DPP10: variants seen among roughly 807,000 people sequenced by gnomAD.
DPP10 encodes dipeptidyl peptidase like 10.
DPP10 carries 33 observed loss-of-function variants against 120.9 expected under a neutral mutation model. The ratio of observed to expected loss-of-function variants is 0.27; its 90% CI spans 0.21 to 0.37. DPP10 has a LOEUF of 0.37. DPP10 is among the 10% of genes least tolerant of loss of function. The probability of loss-of-function intolerance (pLI) is 1.00; values close to 1 mark genes in which losing one functional copy is unlikely to be tolerated. For synonymous variants in DPP10, 337 were observed against 326.1 expected, an observed-to-expected ratio of 1.03 and a Z score of -0.36; for missense variants, 816 against 942.8, an observed-to-expected ratio of 0.87 and a Z score of 1.76.
chr2:115,337,679 A>C (rs2063224224), intron 2 of DPP10, among the ~76,000 whole-genome samples: 1 of 150,930 alleles, frequency 6.6e-6, no homozygotes, highest in African/African-American at 2.4e-5. Context: ...AAAAAAAAAA[A>C]AAAAAAAAGA....
At chr2:114,974,199 A>T (rs79800022) in intron 1 of DPP10, among the ~76,000 whole-genome samples, 2,324 of 152,248 alleles carry the variant, frequency 0.015, 61 homozygotes, top group African/African-American at 0.053. Context: ...CAACTTACTA[A>T]GTCCTGCAAG....
At chr2:115,457,264 A>C (rs546837153) in intron 3 of DPP10, among the ~76,000 whole-genome samples, 17 of 152,220 alleles carry the variant, frequency 1.1e-4, no homozygotes, top group African/African-American at 3.9e-4. Flanking sequence ...AAAAAAATTC[A>C]GAATATAGAA....
chr2:115,437,591 G>A (rs1443338009), intron 3 of DPP10, among the ~76,000 whole-genome samples: 2 of 152,022 alleles, frequency 1.3e-5, no homozygotes, highest in African/African-American at 2.4e-5. Context: ...AAACGTATAT[G>A]TGGTGCTTTG....
At chr2:115,581,730 TA>T (rs1263345319) in intron 5 of DPP10, among the ~76,000 whole-genome samples, 1 of 152,072 alleles carries the variant, frequency 6.6e-6, no homozygotes. Flanking sequence ...GACAGACATT[TA>T]ACAATAAATT....
intron 1 of DPP10, among the ~76,000 whole-genome samples, chr2:114,469,419 G>A (rs1030719255): frequency 1.3e-5 from 2 of 152,118 alleles, no homozygotes; most frequent in Non-Finnish European, 2.9e-5. Context: ...ATGAAAGACA[G>A]AAGTTTTTAA....
At chr2:115,831,339 C>T (rs949385914) in intron 21 of DPP10, among the ~76,000 whole-genome samples, 2 of 152,106 alleles carry the variant, frequency 1.3e-5, no homozygotes, top group African/African-American at 4.8e-5. Context: ...ACCTCTGCCT[C>T]CTGGGTTCAA....
intron 5 of DPP10, among the ~76,000 whole-genome samples, chr2:115,589,516 A>C (rs2082494921): frequency 2.0e-5 from 3 of 152,082 alleles, no homozygotes; most frequent in African/African-American, 7.3e-5. Context: ...ATTGATGTAG[A>C]GAGGATTTTT....
At chr2:114,459,800 T>C (rs1049630436) in intron 1 of DPP10, among the ~76,000 whole-genome samples, 1 of 152,230 alleles carries the variant, frequency 6.6e-6, no homozygotes, top group Non-Finnish European at 1.5e-5. Flanking sequence ...TCTGTTATTT[T>C]AATGTAGCTA....
At chr2:114,510,720 C>A (rs1329829257) in intron 1 of DPP10, among the ~76,000 whole-genome samples, 3 of 152,322 alleles carry the variant, frequency 2.0e-5, no homozygotes, top group African/African-American at 7.2e-5. Flanking sequence ...TTTCCTATCA[C>A]CACTTCATAC....
chr2:115,633,624 G>A (rs1179002027), intron 5 of DPP10, among the ~76,000 whole-genome samples: 1 of 152,100 alleles, frequency 6.6e-6, no homozygotes, highest in Non-Finnish European at 1.5e-5. Context: ...ATCTCTTCTG[G>A]AATATAGGGT....
At chr2:114,609,837 T>C (rs1261595653) in intron 1 of DPP10, among the ~76,000 whole-genome samples, 1 of 152,320 alleles carries the variant, frequency 6.6e-6, no homozygotes, top group East Asian at 1.9e-4. Context: ...AAGCACTTAC[T>C]GAGTTACCAG....
At chr2:115,022,349 G>GCT (rs1383004238) in intron 1 of DPP10, among the ~76,000 whole-genome samples, 1 of 152,018 alleles carries the variant, frequency 6.6e-6, no homozygotes, top group African/African-American at 2.4e-5. Flanking sequence ...CGAATCAGTA[G>GCT]CTCTTCTACA....
At chr2:115,005,588 G>A (rs530604768) in intron 1 of DPP10, among the ~76,000 whole-genome samples, 2,572 of 152,150 alleles carry the variant, frequency 0.017, 68 homozygotes, top group African/African-American at 0.06. Flanking sequence ...CTCAGGAGCC[G>A]ATGTGATCAA....
intron 1 of DPP10, among the ~76,000 whole-genome samples, chr2:114,460,248 A>G (rs1232502002): frequency 6.6e-6 from 1 of 152,008 alleles, no homozygotes; most frequent in Non-Finnish European, 1.5e-5. Context: ...GTTTGTGTTC[A>G]AATGTCTGCT....
intron 3 of DPP10, among the ~76,000 whole-genome samples, chr2:115,379,416 T>G (rs528248622): frequency 6.6e-6 from 1 of 152,354 alleles, no homozygotes; most frequent in African/African-American, 2.4e-5. Flanking sequence ...TATCATTTTT[T>G]ATTGCGACTA....
chr2:115,733,891 T>C (rs931099180), intron 8 of DPP10, among the ~76,000 whole-genome samples: 11 of 152,210 alleles, frequency 7.2e-5, no homozygotes, highest in Admixed American at 6.5e-4. Context: ...TAAATTGGAA[T>C]GAAATGCCAT....
chr2:114,481,395 A>G (rs1384878098), intron 1 of DPP10, among the ~76,000 whole-genome samples: 3 of 152,132 alleles, frequency 2.0e-5, no homozygotes, highest in Non-Finnish European at 2.9e-5. Flanking sequence ...CACAAAGCCT[A>G]AAATAAAAAT....
chr2:115,656,077 G>C (rs112962274), intron 5 of DPP10, among the ~76,000 whole-genome samples: 2,100 of 150,996 alleles, frequency 0.014, 46 homozygotes, highest in African/African-American at 0.049. Flanking sequence ...TAATAAGACA[G>C]TATTGTGCAC....
At chr2:114,795,081 G>T (rs574898158) in intron 1 of DPP10, among the ~76,000 whole-genome samples, 1 of 151,860 alleles carries the variant, frequency 6.6e-6, no homozygotes, top group South Asian at 2.1e-4. Flanking sequence ...TATTCTTTAC[G>T]GTATATTCAG....
Sources: allele counts gnomAD v4.1 joint callset (sites outside exome capture counted in the v4.1 genomes callset), GRCh38; gene constraint gnomAD v4.1.1; transcripts MANE v1.5; gene names NCBI Gene and HGNC (gene_info 2026-07-23, HGNC 2026-07-21).